Variants in SGSM2 observed in about 807,000 individuals in gnomAD.
SGSM2 encodes the protein small G protein signaling modulator 2, also known as RUN and TBC1 domain containing 1.
A neutral mutation model predicts 126.6 loss-of-function variants in SGSM2; 89 were observed. That is an observed-to-expected ratio of 0.70 (90% CI 0.59 to 0.84). The LOEUF is 0.84. Among genes scored for constraint, SGSM2 ranks in the 40% least tolerant of loss-of-function variants. The pLI is 0.00. For missense variants in SGSM2, 1,404 were observed against 1,416.6 expected (o/e 0.99, Z 0.14); for synonymous variants, 614 against 574.3 (o/e 1.07, Z -0.99).
At chr17:2,375,279 C>A in intron 17 of SGSM2, 2 of 544,696 alleles carry the variant, frequency 3.7e-6, no homozygotes, top group Non-Finnish European at 6.3e-6. Context: ...GGGCTGAAGA[C>A]GTGTCTTCAT....
chr17:2,347,684 A>G (rs999474279), intron 2 of SGSM2, among the ~76,000 whole-genome samples: 1 of 151,070 alleles, frequency 6.6e-6, no homozygotes, highest in Non-Finnish European at 1.5e-5. Flanking sequence ...TATGTTGCCA[A>G]GATTGGTCTC....
At chr17:2,377,215 G>A (rs1034664385) in intron 21 of SGSM2, 147 bp downstream of exon 21, 10 of 612,132 alleles carry the variant, frequency 1.6e-5, no homozygotes, top group African/African-American at 7.4e-5. Flanking sequence ...GCAGGGCAAC[G>A]TGGCTCAGGC....
chr17:2,338,788 T>TATATATATATATATAA (rs1277497295), intron 1 of SGSM2, among the ~76,000 whole-genome samples: 5 of 149,872 alleles, frequency 3.3e-5, no homozygotes, highest in Non-Finnish European at 5.9e-5. Context: ...TATATATATA[T>TATATATATATATATAA]AACCTCACGC....
chr17:2,338,597 C>T (rs2064195451), intron 1 of SGSM2, among the ~76,000 whole-genome samples: 1 of 151,988 alleles, frequency 6.6e-6, no homozygotes, highest in Non-Finnish European at 1.5e-5. Context: ...GCAGGAGACC[C>T]TCTGTTTTGT....
In SGSM2 at chr17:2,363,959, C is replaced by A; in HGVS notation, c.808-100C>A. On this transcript the variant is annotated intron_variant, in intron 7 of 23. Transcript: ENST00000268989. This position sits in a 1 kb window ranked among gnomAD's most constrained non-coding sequence, Gnocchi z 4.2. The stretch of plus-strand genomic sequence containing the variant: ...GTCCAGGACCCCGTGACTAGCCTAG[C>A]TTGGCCTCCCCTCCTCCCAGCGGGA... 1 of 1,470,414 alleles carries A rather than the reference C, an allele frequency of 6.8e-7. No individual in the cohort carries two copies. The highest frequency in any genetic ancestry group is 9.4e-7 in the Non-Finnish European group (1 of 1,059,236). 91.1% of individuals were successfully genotyped at this position (1,470,414 alleles called of 1,614,324 possible). A position where few individuals can be genotyped will look rare whatever the true frequency, so the allele number is the denominator to read the frequency against.
At position 2,362,833 on chromosome 17, in the gene SGSM2, G is replaced by T; in HGVS notation, c.459-5G>T. ...TCGGCAGTCACACTGTCTGTCTCCTGGCAGCAAGTACTACGAGAAGGAGGC... is the reference window on the plus strand; with the variant it reads ...TCGGCAGTCACACTGTCTGTCTCCTTGCAGCAAGTACTACGAGAAGGAGGC... On this transcript the variant is annotated splice_polypyrimidine_tract_variant and splice_region_variant and intron_variant, in intron 4 of 23. Coordinates refer to ENST00000268989, the MANE Select transcript of SGSM2 (RefSeq NM_014853.3). The surrounding 1 kb of genome is among the most constrained non-coding windows in gnomAD (Gnocchi z 4.9). 2 of 1,613,956 alleles carry T rather than the reference G, an allele frequency of 1.2e-6. No individual in the cohort carries two copies. Among genetic ancestry groups the T allele is most frequent in the Non-Finnish European group, 1.7e-6 (2 of 1,180,038 alleles).
At chr17:2,338,018 G>GC (rs1202170870) in intron 1 of SGSM2, among the ~76,000 whole-genome samples, 1 of 152,120 alleles carries the variant, frequency 6.6e-6, no homozygotes, top group Non-Finnish European at 1.5e-5. Flanking sequence ...GGAGCCCAAG[G>GC]CCGGGGGAGG....
At chr17:2,350,500 C>A (rs1278243951) in intron 2 of SGSM2, among the ~76,000 whole-genome samples, 1 of 151,854 alleles carries the variant, frequency 6.6e-6, no homozygotes, top group African/African-American at 2.4e-5. Context: ...ATTCCAACTG[C>A]TGGGGAGGCT....
rs1392411908 is a variant in SGSM2 at position 2,380,415 on chromosome 17, G to C, written c.*895G>C. 1 of 1,029,484 alleles carries C rather than the reference G, an allele frequency of 9.7e-7. No individual in the cohort carries two copies. The highest frequency in any genetic ancestry group is 1.5e-6 in the Non-Finnish European group (1 of 689,192). The allele number at this position is 1,029,484 out of a possible 1,614,324, so 63.8% of individuals were successfully genotyped here. On this transcript the variant is annotated 3_prime_UTR_variant, in exon 24 of 24. Transcript: ENST00000268989. Reference sequence around the variant, plus strand: ...TCCCCTCAGAGACAGGCCTCAGTTCGAGGGCAGCCCATTATCTGTCGCAGA... The same window carrying C: ...TCCCCTCAGAGACAGGCCTCAGTTCCAGGGCAGCCCATTATCTGTCGCAGA...
In SGSM2 at chr17:2,367,719, T is replaced by C. The variant is rs1298688089; in HGVS notation, c.1423+314T>C. Reference sequence around the variant, plus strand: ...TCTGAGCCCATTCCTACTCCGGGGGTCAGGCTGGCAAATGCCAGACAGAGG... The same window carrying C: ...TCTGAGCCCATTCCTACTCCGGGGGCCAGGCTGGCAAATGCCAGACAGAGG... On this transcript the variant is annotated intron_variant, in intron 12 of 23. Transcript: ENST00000268989. The surrounding 1 kb of genome is among the most constrained non-coding windows in gnomAD (Gnocchi z 4.0). 6.6e-6 allele frequency among the ~76,000 whole-genome samples: 1 copy of C among 152,040 alleles called. No homozygotes were observed. The highest frequency in any genetic ancestry group is 1.5e-5 in the Non-Finnish European group (1 of 68,002).
chr17:2,378,754 C>G (rs775455853), intron 22 of SGSM2, among the ~76,000 whole-genome samples: 76 of 152,250 alleles, frequency 5.0e-4, no homozygotes, highest in Admixed American at 2.2e-3. Context: ...CAGAAATTAC[C>G]CAAGAAAAGG....
chr17:2,359,789 T>G (rs551113702), intron 2 of SGSM2, among the ~76,000 whole-genome samples: 142 of 152,242 alleles, frequency 9.3e-4, no homozygotes, highest in Non-Finnish European at 1.8e-3. Flanking sequence ...CACTGAGGCA[T>G]GTGATCCGTG....
chr17:2,374,575 C>T (rs1005783925), intron 17 of SGSM2: 5 of 152,044 alleles, frequency 3.3e-5, no homozygotes, highest in Non-Finnish European at 7.4e-5. Flanking sequence ...AGACACCCTG[C>T]CTCAGAAATA....
chr17:2,337,648 G>T lies in SGSM2; in HGVS notation c.-41G>T. 1 of 1,378,218 alleles carries T rather than the reference G, an allele frequency of 7.3e-7. No individual in the cohort carries two copies. Among genetic ancestry groups the T allele is most frequent in the East Asian group, 3.3e-5 (1 of 30,422 alleles). 85.4% of individuals were successfully genotyped at this position (1,378,218 alleles called of 1,614,324 possible). On this transcript the variant is annotated 5_prime_UTR_variant, in exon 1 of 24. Coordinates refer to ENST00000268989, the MANE Select transcript of SGSM2 (RefSeq NM_014853.3). The surrounding 1 kb of genome is among the most constrained non-coding windows in gnomAD (Gnocchi z 5.1). ...AGAGGCGCGGAGGCGGCGAGGGCGCGGGGGCTCTGAGGACCGCTCGGCGCC... is the reference window on the plus strand; with the variant it reads ...AGAGGCGCGGAGGCGGCGAGGGCGCTGGGGCTCTGAGGACCGCTCGGCGCC...
rs1269186476 is a variant in SGSM2 at position 2,380,037 on chromosome 17, T to TGCGGGAGACCCGGGC, written c.*518_*532dup. On this transcript the variant is annotated 3_prime_UTR_variant, in exon 24 of 24. Coordinates refer to ENST00000268989, the MANE Select transcript of SGSM2 (RefSeq NM_014853.3). The stretch of plus-strand genomic sequence containing the variant: ...TTCTGGTTTAGGCACACGTCACGGG[T>TGCGGGAGACCCGGGC]GCGGGAGACCCGGGCACGGGAGACC... 126 of 1,406,854 alleles carry TGCGGGAGACCCGGGC rather than the reference T, an allele frequency of 9.0e-5. 1 individual carries two copies. The highest frequency in any genetic ancestry group is 1.2e-4 in the Admixed American group (4 of 32,156). 87.1% of individuals were successfully genotyped at this position (1,406,854 alleles called of 1,614,324 possible).
intron 23 of SGSM2, 25 bp downstream of exon 23, chr17:2,379,228 G>A: frequency 6.2e-7 from 1 of 1,612,974 alleles, no homozygotes; most frequent in Admixed American, 1.7e-5. Context: ...AGCCATCCAG[G>A]CTGCCCTGAG....
chr17:2,360,660 C>T (rs2065270075), intron 2 of SGSM2, among the ~76,000 whole-genome samples: 1 of 152,250 alleles, frequency 6.6e-6, no homozygotes, highest in Non-Finnish European at 1.5e-5. Flanking sequence ...AGTCTCAGAG[C>T]AAGTGACCGT....
intron 2 of SGSM2, among the ~76,000 whole-genome samples, chr17:2,359,335 G>A (rs142952959): frequency 5.1e-4 from 77 of 150,496 alleles, no homozygotes; most frequent in African/African-American, 1.7e-3. Context: ...ACACCTTGTG[G>A]GCATGGCATA....
In SGSM2 at chr17:2,373,630, C is replaced by T; in HGVS notation, c.2100+117C>T. ...ACTGGTGGGGCCCTGCGAGAAAGGC[C>T]TAAGGTGCCTGTGTCTCATTTTCTC... On this transcript the variant is annotated intron_variant, in intron 17 of 23. Transcript: ENST00000268989. 5.6e-6 allele frequency: 5 copies of T among 888,956 alleles called. No individual in the cohort carries two copies. The South Asian group carries it at 6.7e-5, about 12-fold the overall frequency. 55.1% of individuals were successfully genotyped at this position (888,956 alleles called of 1,614,324 possible). A position where few individuals can be genotyped will look rare whatever the true frequency, so the allele number is the denominator to read the frequency against.
Sources: gnomAD v4.1 joint callset for allele counts (sites outside exome capture counted in the v4.1 genomes callset) on GRCh38, gnomAD v4.1.1 for gene constraint, Gnocchi (gnomAD v3.1) non-coding constraint, MANE v1.5 for transcripts, NCBI Gene and HGNC (gene_info 2026-07-23, HGNC 2026-07-21) for gene names.